Variants in ALOX12 observed in about 807,000 individuals in gnomAD.
The protein encoded by ALOX12 is polyunsaturated fatty acid lipoxygenase ALOX12.
In ALOX12, 62 loss-of-function variants were observed where a neutral mutation model predicts 85.5. That is an observed-to-expected ratio of 0.73 (90% confidence interval 0.59 to 0.90). The LOEUF is 0.90. ALOX12 is among the 40% of genes least tolerant of loss of function. The pLI is 0.00. For missense variants in ALOX12, 751 were observed against 856.5 expected (o/e 0.88, Z 1.54); for synonymous variants, 299 against 332.7 (o/e 0.90, Z 1.10).
intron 10 of ALOX12, 127 bp downstream of exon 10, chr17:7,006,154 G>A (rs1242002593): frequency 9.7e-6 from 8 of 828,756 alleles, no homozygotes; most frequent in Non-Finnish European, 1.5e-5. Context: ...GGGGAGAGAT[G>A]AGGAAAAGTG....
At position 6,996,863 on chromosome 17, in the gene ALOX12, G is replaced by A. The variant is rs1193791826; in HGVS notation, c.173G>A (p.Gly58Glu). The change falls in exon 2 of 14, where the codon GGG becomes GAG. Residue 58 changes from glycine to glutamate, a missense_variant. Physicochemically the swap from Gly to Glu is moderately conservative, Grantham distance 98. Transcript: ENST00000251535. ...GATCATGACGTTGCAGAGGACTTGGGGCTCCTGCAGTTCGTGAGGCTGCGC... is the reference window on the plus strand; with the variant it reads ...GATCATGACGTTGCAGAGGACTTGGAGCTCCTGCAGTTCGTGAGGCTGCGC... ...EFDHDVAEDLGLLQFVRLRKH... is the reference protein window; with the variant it reads ...EFDHDVAEDLELLQFVRLRKH... 6.2e-7 allele frequency: 1 copy of A among 1,613,992 alleles called. No individual in the cohort carries two copies. The highest frequency in any genetic ancestry group is 2.2e-5 in the East Asian group (1 of 44,876).
At chr17:7,003,252 CAT>C (rs1304108547) in intron 8 of ALOX12, among the ~76,000 whole-genome samples, 1 of 152,004 alleles carries the variant, frequency 6.6e-6, no homozygotes, top group Non-Finnish European at 1.5e-5. Context: ...CAAGCCTGCA[CAT>C]GTCTTAACAG....
intron 1 of ALOX12, 63 bp from the exon 2 acceptor site, chr17:6,996,763 G>C: frequency 6.5e-7 from 1 of 1,539,392 alleles, no homozygotes; most frequent in Non-Finnish European, 8.8e-7. Context: ...GCGCGGCTCT[G>C]TCCTCGAAAC....
chr17:7,002,134 G>A, intron 8 of ALOX12: 2 of 363,394 alleles, frequency 5.5e-6, no homozygotes, highest in East Asian at 1.4e-4. Flanking sequence ...ATGCCCATAA[G>A]AACCAACCAG....
intron 6 of ALOX12, 107 bp downstream of exon 6, chr17:6,999,573 C>T (rs1312392592): frequency 8.6e-7 from 1 of 1,162,282 alleles, no homozygotes; most frequent in African/African-American, 1.5e-5. Flanking sequence ...ACTGCATTGC[C>T]CCTTGGTGCA....
At chr17:7,008,915 G>A (rs977070192) in intron 11 of ALOX12, among the ~76,000 whole-genome samples, 7 of 152,080 alleles carry the variant, frequency 4.6e-5, no homozygotes, top group African/African-American at 9.7e-5. Flanking sequence ...ATAGGATTAC[G>A]CATTCCTAAA....
intron 8 of ALOX12, among the ~76,000 whole-genome samples, chr17:7,004,505 T>TAA (rs1908939660): frequency 6.8e-6 from 1 of 147,832 alleles, no homozygotes; most frequent in East Asian, 1.9e-4. Context: ...AATATTAAAT[T>TAA]AATTTAAATT....
At position 6,996,049 on chromosome 17, in the gene ALOX12, G is replaced by C; in HGVS notation, c.-69G>C. 8.1e-7 allele frequency: 1 copy of C among 1,232,822 alleles called. No homozygotes were observed. The highest frequency in any genetic ancestry group is 1.0e-6 in the Non-Finnish European group (1 of 984,218). The allele number at this position is 1,232,822 out of a possible 1,614,324, so 76.4% of individuals were successfully genotyped here. A position where few individuals can be genotyped will look rare whatever the true frequency, so the allele number is the denominator to read the frequency against. On this transcript the variant is annotated 5_prime_UTR_variant, in exon 1 of 14. Transcript: ENST00000251535. ...AGGTTGGAAGTGGCCCCGAGGCGCC[G>C]GCAGCCCTGGGCGGTCCCGGGAATC... is the stretch of plus-strand genomic sequence containing the variant.
intron 2 of ALOX12, among the ~76,000 whole-genome samples, chr17:6,997,819 CAA>C (rs1047804062): frequency 1.3e-5 from 2 of 152,028 alleles, no homozygotes; most frequent in Non-Finnish European, 2.9e-5. Flanking sequence ...CTTGGCCTCT[CAA>C]AGTGCTGGGA....
Position 7,001,714 on chromosome 17 carries a change from A to T in ALOX12, c.1064A>T (p.His355Leu). 6.2e-7 allele frequency: 1 copy of T among 1,614,100 alleles called. No individual in the cohort carries two copies. The change falls in exon 8 of 14, where the codon CAC becomes CTC. Residue 355 changes from histidine (H) to leucine (L), a missense_variant. Physicochemically the swap from His to Leu is moderately conservative, Grantham distance 99 (BLOSUM62 -3). Coordinates refer to ENST00000251535, the MANE Select transcript of ALOX12 (RefSeq NM_000697.3). ...SWVRNSDFQL[H>L]EIQYHLLNTH... is the part of the protein sequence containing the mutation. ...GTCCGAAATTCAGATTTCCAACTGC[A>T]CGAGATCCAGTATCACTTGCTGAAC...
At chr17:6,999,171 C>G in intron 5 of ALOX12, 115 bp downstream of exon 5, 1 of 1,475,688 alleles carries the variant, frequency 6.8e-7, no homozygotes, top group Non-Finnish European at 9.3e-7. Flanking sequence ...ATCTGGTCAA[C>G]TCAGAGAGGC....
At chr17:6,996,637 G>A (rs371546283) in intron 1 of ALOX12, among the ~76,000 whole-genome samples, 189 bp from the exon 2 acceptor site, 2 of 152,302 alleles carry the variant, frequency 1.3e-5, no homozygotes, top group African/African-American at 4.8e-5. Flanking sequence ...CAGGCGCTGC[G>A]GGCCCTCGTC....
At chr17:6,999,764 A>G (rs1016191011) in intron 6 of ALOX12, among the ~76,000 whole-genome samples, 2 of 152,106 alleles carry the variant, frequency 1.3e-5, no homozygotes, top group Non-Finnish European at 2.9e-5. Context: ...GGGCAGGGAG[A>G]AAAGTGAGGA....
intron 9 of ALOX12, among the ~76,000 whole-genome samples, 177 bp downstream of exon 9, chr17:7,005,520 G>T (rs917710796): frequency 1.7e-5 from 2 of 117,040 alleles, no homozygotes; most frequent in African/African-American, 3.4e-5. Context: ...TAGCTCTGTC[G>T]CCCAGGTTGG....
chr17:7,008,256 C>A (rs886717759), intron 11 of ALOX12, among the ~76,000 whole-genome samples: 2 of 152,208 alleles, frequency 1.3e-5, no homozygotes, highest in African/African-American at 2.4e-5. Context: ...CACCCTCCCC[C>A]CTGTTCTCTT....
At position 7,010,457 on chromosome 17, in the gene ALOX12, T is replaced by A. The variant is rs1313279633; in HGVS notation, c.*34T>A. ...GTGACTCTACCTGCAAGATTTCACA[T>A]CAGCTTTAGGACTGACATTTCTATC... On this transcript the variant is annotated 3_prime_UTR_variant, in exon 14 of 14. Transcript: ENST00000251535. The A allele has an allele frequency of 1.2e-6, 2 of 1,600,476 alleles. No individual in the cohort carries two copies. Among genetic ancestry groups the A allele is most frequent in the Admixed American group, 3.5e-5 (2 of 57,958 alleles).
chr17:7,005,951 G>A lies in ALOX12; in HGVS notation c.1342G>A (p.Ala448Thr). 1 of 1,613,122 alleles carries A rather than the reference G, an allele frequency of 6.2e-7. No homozygotes were observed. Among genetic ancestry groups the A allele is most frequent in the African/African-American group, 1.3e-5 (1 of 74,758 alleles). ...CTCCCTCTGTCCTCCTGACGACCTG[G>A]CTGACCGGGGCCTGCTGGGACTCCC... ...YCSLCPPDDLADRGLLGLPGA... is the reference protein window; with the variant it reads ...YCSLCPPDDLTDRGLLGLPGA... The change falls in exon 10 of 14, where the codon GCT becomes ACT. Residue 448 changes from alanine (A) to threonine (T), a missense_variant. Ala to Thr is a moderately conservative substitution (Grantham distance 58). Transcript: ENST00000251535.
chr17:6,999,558 G>A, intron 6 of ALOX12, 92 bp downstream of exon 6: 1 of 1,390,968 alleles, frequency 7.2e-7, no homozygotes, highest in Non-Finnish European at 1.0e-6. Flanking sequence ...GAGGAAGGCT[G>A]CAGTACTGCA....
In ALOX12 at chr17:7,010,006, C is replaced by G. The variant is rs761503943; in HGVS notation, c.1692C>G (p.Pro564=). Residue 564 remains proline, a synonymous_variant, in exon 13 of 14, where the codon CCC becomes CCG. Coordinates refer to ENST00000251535, the MANE Select transcript of ALOX12 (RefSeq NM_000697.3). ...ATGCTCCATGCACAATGCGGATGCC[C>G]CCACCCACCACCAAGGAAGATGTGA... ...VPNAPCTMRM[P]PPTTKEDVTM... is the part of the protein sequence containing the mutation. The G allele has an allele frequency of 6.2e-7, 1 of 1,614,176 alleles. No individual in the cohort carries two copies. Among genetic ancestry groups the G allele is most frequent in the South Asian group, 1.1e-5 (1 of 91,080 alleles).
Sources: gnomAD v4.1 joint callset for allele counts (sites outside exome capture counted in the v4.1 genomes callset) on GRCh38, gnomAD v4.1.1 for gene constraint, MANE v1.5 for transcripts, NCBI Gene and HGNC (gene_info 2026-07-23, HGNC 2026-07-21) for gene names.